The following STT3A variants were observed in gnomAD, a reference collection of about 807,000 sequenced individuals.
STT3A encodes the protein dolichyl-diphosphooligosaccharide--protein glycosyltransferase subunit STT3A.
A neutral mutation model predicts 89.2 loss-of-function variants in STT3A; 34 were observed. The ratio of observed to expected loss-of-function variants is 0.38; its 90% CI spans 0.29 to 0.51. STT3A has a LOEUF of 0.51. Among genes scored for constraint, STT3A ranks in the 20% least tolerant of loss-of-function variants. The probability of loss-of-function intolerance (pLI) is 0.89; values close to 1 mark genes in which losing one functional copy is unlikely to be tolerated. For missense variants in STT3A, 555 were observed against 889.5 expected, an observed-to-expected ratio of 0.62 and a Z score of 4.78; for synonymous variants, 282 against 310.3, an observed-to-expected ratio of 0.91 and a Z score of 0.96.
intron 12 of STT3A, 93 bp from the exon 13 acceptor site, chr11:125,612,896 A>C (rs1940068755): frequency 3.9e-6 from 6 of 1,523,906 alleles, no homozygotes; most frequent in African/African-American, 1.4e-5. Flanking sequence ...TATTTTGATC[A>C]ATCTCATCTA....
chr11:125,592,635 A>G (rs904138554), upstream of STT3A: 9 of 386,648 alleles, frequency 2.3e-5, no homozygotes, highest in Admixed American at 6.1e-5. Context: ...CTTGACTCCT[A>G]CGCGCCGGCC....
At chr11:125,612,859 C>G (rs954014071) in intron 12 of STT3A, 112 bp downstream of exon 12, 1 of 1,510,960 alleles carries the variant, frequency 6.6e-7, no homozygotes, top group African/African-American at 1.4e-5. Flanking sequence ...CCTAGGTGGT[C>G]AGAATTAACT....
chr11:125,604,273 G>C, intron 6 of STT3A, 26 bp downstream of exon 6: 1 of 1,609,386 alleles, frequency 6.2e-7, no homozygotes, highest in East Asian at 2.2e-5. Context: ...TGCTGAAGAA[G>C]ATCATCTCAC....
intron 8 of STT3A, 61 bp downstream of exon 8, chr11:125,606,526 C>G (rs1177723960): frequency 1.1e-5 from 16 of 1,509,948 alleles, no homozygotes; most frequent in Non-Finnish European, 1.4e-5. Flanking sequence ...CCCAACTAGA[C>G]TGATTTATCT....
In STT3A at chr11:125,609,462, C is replaced by A; in HGVS notation, c.990C>A (p.Phe330Leu). Residue 330 changes from phenylalanine (F) to leucine (L), a missense_variant, in exon 10 of 18, where the codon TTC (phenylalanine) becomes TTA (leucine). Phe to Leu is a conservative substitution (Grantham distance 22, BLOSUM62 0). Around this residue, in one of 5 missense-constraint regions of STT3A, gnomAD observed 149 missense variants for 206.2 expected, o/e 0.72. Coordinates refer to ENST00000392708, the MANE Select transcript of STT3A (RefSeq NM_152713.5). ...AAATATCTCCCTGGACGGGGCGTTT[C>A]TACTCGCTGCTGGATCCCTCTTATG... Reference protein sequence around the residue: ...TGKISPWTGRFYSLLDPSYAK... With the variant: ...TGKISPWTGRLYSLLDPSYAK... 6.2e-7 allele frequency: 1 copy of A among 1,612,000 alleles called. No homozygotes were observed.
intron 8 of STT3A, 32 bp from the exon 9 acceptor site, chr11:125,608,077 T>C (rs1264232168): frequency 6.5e-7 from 1 of 1,543,122 alleles, no homozygotes; most frequent in Non-Finnish European, 8.7e-7. Context: ...TTTTTTTCCT[T>C]AGTATTAACA....
rs372515535 is a variant in STT3A, at chr11:125,606,289, A to T, written c.616-12A>T. 6.2e-7 allele frequency: 1 copy of T among 1,609,184 alleles called. No individual in the cohort carries two copies. ...ATACTCAGAGGAACTGTTTTTTTCT[A>T]TTCCATCATAGGTCTCGTCATGGGG... On this transcript the variant is annotated splice_polypyrimidine_tract_variant and intron_variant, in intron 7 of 17. Coordinates refer to ENST00000392708, the MANE Select transcript of STT3A (RefSeq NM_152713.5).
chr11:125,595,843 G>T (rs1939477103), intron 1 of STT3A, 38 bp from the exon 2 acceptor site: 1 of 912,892 alleles, frequency 1.1e-6, no homozygotes, highest in South Asian at 1.4e-5. Flanking sequence ...TAAATTGAAG[G>T]TGTTCAATAT....
rs780684044 is a variant in STT3A at position 125,608,249 on chromosome 11, C to A, written c.921C>A (p.Gly307=). 6.2e-7 allele frequency: 1 copy of A among 1,613,876 alleles called. No individual in the cohort carries two copies. Among genetic ancestry groups the A allele is most frequent in the South Asian group, 1.1e-5 (1 of 91,022 alleles). Residue 307 remains glycine, a synonymous_variant, in exon 9 of 18, where the codon GGC becomes GGA. Coordinates refer to ENST00000392708, the MANE Select transcript of STT3A (RefSeq NM_152713.5). The stretch of plus-strand genomic sequence containing the variant: ...TCCGGAGCGTCATCTCTCTGGTAGG[C>A]TTTGTCCTTCTCACCGTGGGAGCTC... ...VLFRSVISLV[G]FVLLTVGALL...
intron 3 of STT3A, among the ~76,000 whole-genome samples, chr11:125,599,667 C>T (rs1221620518): frequency 6.7e-6 from 1 of 150,050 alleles, no homozygotes; most frequent in Non-Finnish European, 1.5e-5. Flanking sequence ...CCTCTGCCTC[C>T]CAAAGTGCTG....
chr11:125,619,046 G>C (rs1454683445), intron 16 of STT3A, among the ~76,000 whole-genome samples: 2 of 150,222 alleles, frequency 1.3e-5, no homozygotes, highest in African/African-American at 2.5e-5. Context: ...TGTTATTTTT[G>C]TTTTGTTTTG....
intron 5 of STT3A, 37 bp from the exon 6 acceptor site, chr11:125,604,120 T>G: frequency 6.3e-7 from 1 of 1,597,990 alleles, no homozygotes; most frequent in East Asian, 2.2e-5. Flanking sequence ...CAGCATTGTA[T>G]TGGTGTTAAT....
Position 125,621,176 on chromosome 11 carries a change from A to G in STT3A, c.*366A>G, listed in dbSNP as rs1391201568. On this transcript the variant is annotated 3_prime_UTR_variant, in exon 18 of 18. Coordinates refer to ENST00000392708, the MANE Select transcript of STT3A (RefSeq NM_152713.5). ...ATTCTCTTAGCTCCCTAAATTAGCC[A>G]AATAGAGACTTCTTTCTCAAATCAG... The G allele has an allele frequency of 1.1e-5, 2 of 178,244 alleles. No individual in the cohort carries two copies. Among genetic ancestry groups the G allele is most frequent in the African/African-American group, 4.7e-5 (2 of 42,392 alleles). The allele number at this position is 178,244 out of a possible 1,614,324, so 11.0% of individuals were successfully genotyped here.
At chr11:125,615,773 G>A (rs748158667) in intron 15 of STT3A, among the ~76,000 whole-genome samples, 16 of 152,240 alleles carry the variant, frequency 1.1e-4, no homozygotes, top group African/African-American at 3.4e-4. Flanking sequence ...TGCAGAGGCC[G>A]GGTGCGATGG....
chr11:125,599,967 G>A (rs940169516), intron 3 of STT3A, among the ~76,000 whole-genome samples: 5 of 149,518 alleles, frequency 3.3e-5, no homozygotes, highest in African/African-American at 1.2e-4. Flanking sequence ...GTGCTCAAGC[G>A]ATCCATCCAC....
At chr11:125,611,311 A>G in intron 10 of STT3A, 117 bp from the exon 11 acceptor site, 1 of 737,418 alleles carries the variant, frequency 1.4e-6, no homozygotes. Flanking sequence ...AAATTCCTGG[A>G]AGTGGAATTG....
intron 15 of STT3A, among the ~76,000 whole-genome samples, chr11:125,616,776 C>T (rs1940192621): frequency 6.6e-6 from 1 of 152,324 alleles, no homozygotes; most frequent in South Asian, 2.1e-4. Context: ...TTCCCATGCT[C>T]AAGTGATCTT....
chr11:125,597,262 C>G (rs1939524785), intron 3 of STT3A, 143 bp downstream of exon 3: 1 of 843,070 alleles, frequency 1.2e-6, no homozygotes. Context: ...TTAAATTCTT[C>G]CAAAGGAGAT....
chr11:125,605,388 A>G (rs112209568), intron 6 of STT3A, among the ~76,000 whole-genome samples: 4 of 152,192 alleles, frequency 2.6e-5, no homozygotes, highest in African/African-American at 9.7e-5. Flanking sequence ...AATGTTTATT[A>G]TATGCTAGGT....
Sources: allele counts gnomAD v4.1 joint callset (sites outside exome capture counted in the v4.1 genomes callset), GRCh38; gene constraint gnomAD v4.1.1; regional missense constraint gnomAD v4.1.1; transcripts MANE v1.5; gene names NCBI Gene and HGNC (gene_info 2026-07-23, HGNC 2026-07-21).